ARHGAP15: variants seen among roughly 807,000 people sequenced by gnomAD.
ARHGAP15 encodes rho GTPase-activating protein 15.
In ARHGAP15, 51 loss-of-function variants were observed where a neutral mutation model predicts 63.7. The observed-to-expected ratio is 0.80, with a 90% CI of 0.64 to 1.01. The LOEUF (loss-of-function observed/expected upper bound fraction) is 1.01, where lower values mean the gene tolerates loss of function less well. ARHGAP15 is among the 50% of genes least tolerant of loss of function. The pLI is 0.00. For synonymous variants in ARHGAP15, 191 were observed against 193.8 expected (o/e 0.99, Z 0.12); for missense variants, 560 against 564.6 (o/e 0.99, Z 0.08).
chr2:143,718,122 A>G (rs1684891095), intron 13 of ARHGAP15, among the ~76,000 whole-genome samples: 1 of 152,180 alleles, frequency 6.6e-6, no homozygotes, highest in Admixed American at 6.5e-5. Flanking sequence ...GCAAGAAAAA[A>G]GTACATATTA....
intron 11 of ARHGAP15, 32 bp from the exon 12 acceptor site, chr2:143,624,101 C>A (rs767136440): frequency 1.6e-5 from 25 of 1,608,754 alleles, no homozygotes; most frequent in East Asian, 2.2e-5. Flanking sequence ...TCATTAAAAC[C>A]AGTTGTTCCA....
intron 6 of ARHGAP15, among the ~76,000 whole-genome samples, chr2:143,253,314 G>A (rs1439226733): frequency 2.0e-5 from 3 of 152,074 alleles, no homozygotes; most frequent in African/African-American, 7.2e-5. Flanking sequence ...GTATGTGCCT[G>A]AGAAATGTTG....
chr2:143,258,551 G>C (rs1487506780), intron 6 of ARHGAP15, among the ~76,000 whole-genome samples: 1 of 152,040 alleles, frequency 6.6e-6, no homozygotes, highest in Non-Finnish European at 1.5e-5. Flanking sequence ...AAATTCAAAA[G>C]GATATAAAAC....
Position 143,666,600 on chromosome 2 carries a change from A to G in ARHGAP15, c.1139-36819A>G, listed in dbSNP as rs1396679508. ...TAATTAAACTAAAGAGCTTCTGCAC[A>G]GCAAAAGAAACTACCATCAGAGTGA... On this transcript the variant is annotated intron_variant, in intron 12 of 13. Transcript: ENST00000295095. 7.4e-4 allele frequency among the ~76,000 whole-genome samples: 94 copies of G among 126,750 alleles called. 1 individual carries two copies. Among genetic ancestry groups the G allele is most frequent in the African/African-American group, 2.6e-3 (90 of 34,994 alleles). 83.2% of individuals were successfully genotyped at this position (126,750 alleles called of 152,430 possible).
At chr2:143,659,122 G>T (rs1449074657) in intron 12 of ARHGAP15, among the ~76,000 whole-genome samples, 1 of 152,110 alleles carries the variant, frequency 6.6e-6, no homozygotes, top group Non-Finnish European at 1.5e-5. Flanking sequence ...ACCTCATACA[G>T]CTACTCTTCC....
intron 13 of ARHGAP15, among the ~76,000 whole-genome samples, chr2:143,726,018 A>C (rs1346277452): frequency 6.6e-6 from 1 of 152,192 alleles, no homozygotes; most frequent in Non-Finnish European, 1.5e-5. Flanking sequence ...ATTTCAACAA[A>C]CCTACCCATA....
intron 10 of ARHGAP15, chr2:143,522,205 T>C (rs1694087116): frequency 6.6e-6 from 1 of 152,192 alleles, no homozygotes; most frequent in South Asian, 2.1e-4. Flanking sequence ...TTTGGTTCTC[T>C]TTATTACTCT....
At chr2:143,567,496 C>G (rs1410558308) in intron 11 of ARHGAP15, among the ~76,000 whole-genome samples, 1 of 152,172 alleles carries the variant, frequency 6.6e-6, no homozygotes, top group Non-Finnish European at 1.5e-5. Flanking sequence ...GTTCCTCTTC[C>G]CAACCCTCAC....
chr2:143,430,042 A>C (rs1023865562), intron 6 of ARHGAP15, among the ~76,000 whole-genome samples: 2 of 152,118 alleles, frequency 1.3e-5, no homozygotes, highest in African/African-American at 4.8e-5. Context: ...TCCTCATACA[A>C]CTTTTGAAGA....
intron 6 of ARHGAP15, among the ~76,000 whole-genome samples, chr2:143,417,458 C>T (rs78585754): frequency 0.099 from 15,092 of 152,206 alleles, 967 homozygotes; most frequent in South Asian, 0.17. Context: ...ACACCTTGTT[C>T]TGTACTTGTC....
intron 10 of ARHGAP15, among the ~76,000 whole-genome samples, chr2:143,537,105 T>C (rs1694807727): frequency 6.6e-6 from 1 of 152,240 alleles, no homozygotes; most frequent in Non-Finnish European, 1.5e-5. Flanking sequence ...GGTTTTGATT[T>C]GCATTTCTCT....
chr2:143,152,771 C>T (rs1194200539), intron 1 of ARHGAP15, among the ~76,000 whole-genome samples: 1 of 151,578 alleles, frequency 6.6e-6, no homozygotes, highest in Non-Finnish European at 1.5e-5. Flanking sequence ...GAGCAAAGTA[C>T]GTGGGAAGCA....
intron 6 of ARHGAP15, among the ~76,000 whole-genome samples, chr2:143,401,894 A>G (rs574262529): frequency 2.0e-5 from 3 of 152,130 alleles, no homozygotes; most frequent in Non-Finnish European, 2.9e-5. Context: ...TTTGCTCATC[A>G]TTAAATGTGA....
chr2:143,448,838 C>T (rs960483196), intron 8 of ARHGAP15, among the ~76,000 whole-genome samples: 1 of 151,914 alleles, frequency 6.6e-6, no homozygotes, highest in Non-Finnish European at 1.5e-5. Context: ...AGGTGATTCC[C>T]ATGCACATTA....
intron 8 of ARHGAP15, among the ~76,000 whole-genome samples, chr2:143,466,827 A>G (rs1691233275): frequency 6.6e-6 from 1 of 152,108 alleles, no homozygotes; most frequent in Non-Finnish European, 1.5e-5. Flanking sequence ...CCAGTTTAGC[A>G]GGTAGATGAA....
chr2:143,542,712 GATATATATAATATCACATATATAAT>G (rs1559040308), intron 10 of ARHGAP15, among the ~76,000 whole-genome samples: 19 of 124,650 alleles, frequency 1.5e-4, no homozygotes, highest in Admixed American at 3.6e-4. Flanking sequence ...TAATATATAT[GATATATATAATATCACATATATAAT>G]ATATATATGA....
At chr2:143,506,976 C>G (rs1471210821) in intron 9 of ARHGAP15, among the ~76,000 whole-genome samples, 1 of 152,034 alleles carries the variant, frequency 6.6e-6, no homozygotes, top group African/African-American at 2.4e-5. Flanking sequence ...ATCTTTTAAT[C>G]TATTCATACA....
At chr2:143,176,832 T>A (rs957715444) in intron 2 of ARHGAP15, among the ~76,000 whole-genome samples, 1 of 152,146 alleles carries the variant, frequency 6.6e-6, no homozygotes, top group Non-Finnish European at 1.5e-5. Context: ...TTCTCTCACA[T>A]GATTGAAAGC....
rs1181793814 is a variant in ARHGAP15 at position 143,547,657 on chromosome 2, C to T, written c.926-8751C>T. Among the ~76,000 whole-genome samples the T allele has an allele frequency of 4.7e-5, 7 of 149,286 alleles. No homozygotes were observed. In the East Asian group the frequency reaches 1.4e-3, roughly 29 times the overall value. The stretch of plus-strand genomic sequence containing the variant: ...ATAATGAGGCAAGACAGTGGTTTTA[C>T]TCCTGTATCCAAATTGAGGAGGGAT... On this transcript the variant is annotated intron_variant, in intron 10 of 13. Coordinates refer to ENST00000295095, the MANE Select transcript of ARHGAP15 (RefSeq NM_018460.4).
Sources: allele counts gnomAD v4.1 joint callset (sites outside exome capture counted in the v4.1 genomes callset), GRCh38; gene constraint gnomAD v4.1.1; transcripts MANE v1.5; gene names NCBI Gene and HGNC (gene_info 2026-07-23, HGNC 2026-07-21).